The following AGBL4 variants were observed in gnomAD, a reference collection of about 807,000 sequenced individuals.
The protein encoded by AGBL4 is cytosolic carboxypeptidase 6.
AGBL4 carries 58 observed loss-of-function variants against 66.4 expected under a neutral mutation model. The ratio of observed to expected loss-of-function variants is 0.87; its 90% CI spans 0.71 to 1.09. The LOEUF (loss-of-function observed/expected upper bound fraction) is 1.09. AGBL4 is among the 50% of genes least tolerant of loss of function. The pLI is 0.00. For missense variants in AGBL4, 579 were observed against 631.0 expected, an observed-to-expected ratio of 0.92 and a Z score of 0.88; for synonymous variants, 234 against 222.9, an observed-to-expected ratio of 1.05 and a Z score of -0.44.
In AGBL4 at chr1:48,601,418, T is replaced by C. The variant is rs578102032; in HGVS notation, c.952-10433A>G. Among the ~76,000 whole-genome samples, 3 of 152,324 alleles carry C rather than the reference T, an allele frequency of 2.0e-5. No individual in the cohort carries two copies. In the East Asian group the frequency reaches 5.8e-4, roughly 29 times the overall value. On this transcript the variant is annotated intron_variant, in intron 9 of 13. Coordinates refer to ENST00000371839, the MANE Select transcript of AGBL4 (RefSeq NM_032785.4). ...TATGTGTAGGTGCTGTGCTTGGCAC[T>C]GGGGATATGGACCTCCTGGAGCTCA...
intron 1 of AGBL4, among the ~76,000 whole-genome samples, chr1:49,897,728 A>T (rs558215651): frequency 6.6e-6 from 1 of 152,242 alleles, no homozygotes; most frequent in East Asian, 1.9e-4. Context: ...AGTAACTCAA[A>T]CAGCATGATA....
At chr1:49,825,388 G>C (rs778454946) in intron 2 of AGBL4, among the ~76,000 whole-genome samples, 1 of 152,082 alleles carries the variant, frequency 6.6e-6, no homozygotes, top group Non-Finnish European at 1.5e-5. Context: ...TATGTAATAG[G>C]CATTTGATAC....
chr1:48,719,864 C>T (rs947230260), intron 6 of AGBL4, among the ~76,000 whole-genome samples: 1 of 152,072 alleles, frequency 6.6e-6, no homozygotes, highest in African/African-American at 2.4e-5. Context: ...GCGGTGAAGC[C>T]CATAGTCACA....
chr1:49,339,892 A>T (rs1175893382), intron 3 of AGBL4, among the ~76,000 whole-genome samples: 1 of 152,148 alleles, frequency 6.6e-6, no homozygotes, highest in African/African-American at 2.4e-5. Flanking sequence ...AAGTTTCCTC[A>T]TCTGTAAAGT....
At chr1:49,948,551 AT>A (rs1318931046) in intron 1 of AGBL4, among the ~76,000 whole-genome samples, 4 of 123,284 alleles carry the variant, frequency 3.2e-5, no homozygotes, top group East Asian at 2.1e-4. Flanking sequence ...ATAAATATAT[AT>A]AAATATATAA....
intron 6 of AGBL4, among the ~76,000 whole-genome samples, chr1:48,697,849 G>T (rs145677397): frequency 7.0e-4 from 107 of 152,298 alleles, no homozygotes; most frequent in African/African-American, 2.5e-3. Context: ...TGATGCAAGA[G>T]GCTAACTTCC....
intron 2 of AGBL4, among the ~76,000 whole-genome samples, chr1:49,779,210 G>A (rs1490995727): frequency 6.6e-6 from 1 of 152,188 alleles, no homozygotes; most frequent in African/African-American, 2.4e-5. Context: ...GTTGAAACAA[G>A]ATTACAAAGT....
rs146349301 is a variant in AGBL4, at chr1:49,717,804, T to C, written c.158-20367A>G. On this transcript the variant is annotated intron_variant, in intron 2 of 13. Transcript: ENST00000371839. The stretch of plus-strand genomic sequence containing the variant: ...AATCTCTGTTGAGCAAATGTATACA[T>C]AAAAGCTAACCTCAAAAGTTGTTAA... Among the ~76,000 whole-genome samples the C allele has an allele frequency of 9.4e-3, 1,432 of 152,130 alleles. 48 individuals are homozygous for C. Among genetic ancestry groups the C allele is most frequent in the Admixed American group, 0.07 (1,062 of 15,224 alleles).
intron 6 of AGBL4, among the ~76,000 whole-genome samples, chr1:48,696,197 A>G (rs1280136594): frequency 6.6e-6 from 1 of 152,130 alleles, no homozygotes; most frequent in Non-Finnish European, 1.5e-5. Flanking sequence ...GTGCCCAGCT[A>G]GGGTCTGTGG....
chr1:49,424,357 C>T (rs1570682809), intron 3 of AGBL4, among the ~76,000 whole-genome samples: 1 of 152,266 alleles, frequency 6.6e-6, no homozygotes, highest in Middle Eastern at 3.4e-3. Flanking sequence ...AGAAGGTAGC[C>T]ATTATTGAGG....
intron 3 of AGBL4, chr1:49,268,016 T>C (rs1643963449): frequency 6.6e-6 from 1 of 152,144 alleles, no homozygotes; most frequent in African/African-American, 2.4e-5. Context: ...AGCAAAACCA[T>C]ATCAGTGTAT....
chr1:49,647,389 A>G (rs1290306950), intron 3 of AGBL4, among the ~76,000 whole-genome samples: 2 of 152,130 alleles, frequency 1.3e-5, no homozygotes, highest in East Asian at 3.9e-4. Flanking sequence ...AACAACAGAG[A>G]AGCAGCCTAC....
intron 10 of AGBL4, among the ~76,000 whole-genome samples, chr1:48,588,845 GA>G (rs1416524051): frequency 7.8e-4 from 118 of 151,608 alleles, no homozygotes; most frequent in African/African-American, 2.0e-3. Context: ...GAGAAGAGAA[GA>G]GAAGAGAAGA....
At chr1:49,681,923 A>G (rs1001889229) in intron 3 of AGBL4, among the ~76,000 whole-genome samples, 3 of 152,164 alleles carry the variant, frequency 2.0e-5, no homozygotes, top group African/African-American at 7.2e-5. Context: ...GAAATATGTG[A>G]TGGTGAAAAG....
At chr1:49,136,016 C>T (rs1646003210) in intron 4 of AGBL4, among the ~76,000 whole-genome samples, 1 of 152,006 alleles carries the variant, frequency 6.6e-6, no homozygotes, top group South Asian at 2.1e-4. Flanking sequence ...TTTTTTCAGT[C>T]AATATATACT....
chr1:49,575,958 G>A (rs1047842687), intron 3 of AGBL4, among the ~76,000 whole-genome samples: 1 of 152,208 alleles, frequency 6.6e-6, no homozygotes, highest in African/African-American at 2.4e-5. Flanking sequence ...TGGATCTAGT[G>A]AGCAAGAAGT....
chr1:48,846,389 GA>G (rs1208016718), intron 6 of AGBL4, among the ~76,000 whole-genome samples: 1 of 142,004 alleles, frequency 7.0e-6, no homozygotes, highest in Non-Finnish European at 1.5e-5. Flanking sequence ...AAGAAAGAAA[GA>G]AAGAAAGAAA....
At chr1:49,580,281 T>C (rs1012256332) in intron 3 of AGBL4, among the ~76,000 whole-genome samples, 12 of 152,206 alleles carry the variant, frequency 7.9e-5, no homozygotes, top group Admixed American at 7.2e-4. Context: ...ACAATCCTTA[T>C]CTTTTAAGTG....
In AGBL4 at chr1:48,940,575, C is replaced by A. The variant is rs553664389; in HGVS notation, c.595-73345G>T. ...ATGGTTTACAGATATGTGCCTGTCC[C>A]CTACATATTTCTTAAGAAACAGACA... is the stretch of plus-strand genomic sequence containing the variant. On this transcript the variant is annotated intron_variant, in intron 5 of 13. Transcript: ENST00000371839. Among the ~76,000 whole-genome samples, 4 of 152,218 alleles carry A rather than the reference C, an allele frequency of 2.6e-5. No individual in the cohort carries two copies. In the South Asian group the frequency reaches 8.3e-4, roughly 32 times the overall value.
Sources: allele counts gnomAD v4.1 joint callset (sites outside exome capture counted in the v4.1 genomes callset), GRCh38; gene constraint gnomAD v4.1.1; transcripts MANE v1.5; gene names NCBI Gene and HGNC (gene_info 2026-07-23, HGNC 2026-07-21).